Variants in RBFOX1 observed in about 807,000 individuals in gnomAD.
RBFOX1 encodes RNA binding protein fox-1 homolog 1.
RBFOX1 carries 8 observed loss-of-function variants against 57.7 expected under a neutral mutation model. That is an observed-to-expected ratio of 0.14 (90% confidence interval 0.08 to 0.25). The LOEUF (loss-of-function observed/expected upper bound fraction) is 0.25. Among genes scored for constraint, RBFOX1 ranks in the 10% least tolerant of loss-of-function variants. The pLI, the probability that RBFOX1 is intolerant of heterozygous loss-of-function variation, is 1.00. For missense variants in RBFOX1, 611 were observed against 548.5 expected, an observed-to-expected ratio of 1.11 and a Z score of -1.14; for synonymous variants, 326 against 222.4, an observed-to-expected ratio of 1.47 and a Z score of -4.15.
At chr16:7,286,787 C>T (rs1182508323) in intron 4 of RBFOX1, among the ~76,000 whole-genome samples, 1 of 151,854 alleles carries the variant, frequency 6.6e-6, no homozygotes, top group Non-Finnish European at 1.5e-5. Context: ...CCATGCCTGG[C>T]TAATTTTGTT....
chr16:6,019,614 G>T lies in RBFOX1; in HGVS notation c.-505G>T. 8.1e-7 allele frequency: 1 copy of T among 1,242,198 alleles called. No homozygotes were observed. The highest frequency in any genetic ancestry group is 1.0e-6 in the Non-Finnish European group (1 of 992,154). The allele number at this position is 1,242,198 out of a possible 1,614,324, so 76.9% of individuals were successfully genotyped here. A position where few individuals can be genotyped will look rare whatever the true frequency, so the allele number is the denominator to read the frequency against. Reference sequence around the variant, plus strand: ...GCTGAAGAAGGAAGGAGTGAGCCGAGCCGAGCACCCCACATCTGGAGGGGA... The same window carrying T: ...GCTGAAGAAGGAAGGAGTGAGCCGATCCGAGCACCCCACATCTGGAGGGGA... On this transcript the variant is annotated 5_prime_UTR_variant, in exon 1 of 16. Transcript: ENST00000550418. The surrounding 1 kb of genome is among the most constrained non-coding windows in gnomAD (Gnocchi z 4.2).
At chr16:6,233,041 A>T (rs896063884) in intron 1 of RBFOX1, among the ~76,000 whole-genome samples, 6 of 152,154 alleles carry the variant, frequency 3.9e-5, no homozygotes, top group African/African-American at 1.2e-4. Flanking sequence ...ATCACTATGT[A>T]GGCCCCGATA....
At chr16:6,709,232 C>T (rs1172227600) in intron 3 of RBFOX1, among the ~76,000 whole-genome samples, 1 of 152,198 alleles carries the variant, frequency 6.6e-6, no homozygotes, top group Admixed American at 6.5e-5. Context: ...CACTGAATTA[C>T]TGCTGCAGTT....
chr16:6,118,780 CCT>C (rs1226080925), intron 1 of RBFOX1, among the ~76,000 whole-genome samples: 4 of 147,692 alleles, frequency 2.7e-5, no homozygotes, highest in Non-Finnish European at 6.0e-5. Flanking sequence ...TCTCTTTCTC[CCT>C]CTCTTTCTCT....
intron 3 of RBFOX1, among the ~76,000 whole-genome samples, chr16:5,752,705 G>A (rs1597105487): frequency 6.6e-6 from 1 of 152,242 alleles, no homozygotes; most frequent in Admixed American, 6.5e-5. Context: ...AGGAGGTGAG[G>A]GCGTATAAGC....
intron 3 of RBFOX1, among the ~76,000 whole-genome samples, chr16:6,910,039 C>A (rs866158412): frequency 6.6e-6 from 1 of 152,024 alleles, no homozygotes; most frequent in African/African-American, 2.4e-5. Flanking sequence ...ATTACTCTTA[C>A]CTCTACAGGC....
intron 1 of RBFOX1, among the ~76,000 whole-genome samples, chr16:6,081,530 C>A (rs191178240): frequency 6.6e-5 from 10 of 152,260 alleles, no homozygotes; most frequent in Middle Eastern, 3.4e-3. Flanking sequence ...GTTTGTTGCT[C>A]TCTGCTGCCC....
Position 6,019,847 on chromosome 16 carries a change from A to G in RBFOX1, c.-272A>G. The G allele has an allele frequency of 6.6e-7, 1 of 1,525,526 alleles. No individual in the cohort carries two copies. Among genetic ancestry groups the G allele is most frequent in the Admixed American group, 2.0e-5 (1 of 50,428 alleles). 94.5% of individuals were successfully genotyped at this position (1,525,526 alleles called of 1,614,324 possible). ...CAGGGCGGGGCTGACCTGCCCGCGA[A>G]GTTGCGGACAGTGCGTGAGAAACCA... On this transcript the variant is annotated 5_prime_UTR_variant, in exon 1 of 16. Coordinates refer to ENST00000550418, the MANE Select transcript of RBFOX1 (RefSeq NM_018723.4). The surrounding 1 kb of genome is among the most constrained non-coding windows in gnomAD (Gnocchi z 4.2).
chr16:5,614,542 T>C (rs117173899), intron 3 of RBFOX1, among the ~76,000 whole-genome samples: 3,907 of 152,206 alleles, frequency 0.026, 72 homozygotes, highest in Non-Finnish European at 0.039. Context: ...TGTCACTCCC[T>C]GGGACTTTGA....
intron 1 of RBFOX1, among the ~76,000 whole-genome samples, chr16:6,197,076 G>C (rs1275696048): frequency 6.6e-6 from 1 of 152,102 alleles, no homozygotes; most frequent in Non-Finnish European, 1.5e-5. Context: ...TGTCCACCTA[G>C]CCAGTGATTT....
intron 4 of RBFOX1, among the ~76,000 whole-genome samples, chr16:7,310,129 C>T (rs866274291): frequency 6.6e-6 from 1 of 152,162 alleles, no homozygotes; most frequent in African/African-American, 2.4e-5. Context: ...GAGCCCTGGC[C>T]CTGGCCCTTT....
intron 4 of RBFOX1, among the ~76,000 whole-genome samples, chr16:7,218,968 T>C (rs962089899): frequency 6.6e-6 from 1 of 152,142 alleles, no homozygotes; most frequent in African/African-American, 2.4e-5. Context: ...CTGATATTGC[T>C]GGTTCCAAAA....
chr16:6,043,006 A>C (rs1281569846), intron 1 of RBFOX1, among the ~76,000 whole-genome samples: 2 of 151,842 alleles, frequency 1.3e-5, no homozygotes, highest in Non-Finnish European at 2.9e-5. Context: ...AGTCCCAGGT[A>C]CTTGGGAGGC....
At chr16:7,512,468 T>C (rs1477464768) in intron 4 of RBFOX1, among the ~76,000 whole-genome samples, 1 of 152,138 alleles carries the variant, frequency 6.6e-6, no homozygotes, top group East Asian at 1.9e-4. Context: ...AAAGTGCAAA[T>C]GTTGGGAATA....
intron 3 of RBFOX1, among the ~76,000 whole-genome samples, chr16:6,946,818 G>T (rs575923844): frequency 6.6e-6 from 1 of 152,128 alleles, no homozygotes; most frequent in Admixed American, 6.5e-5. Flanking sequence ...TATTGCCCAA[G>T]GCTGGTCTCC....
At chr16:5,800,401 G>T (rs2055018607) in intron 3 of RBFOX1, among the ~76,000 whole-genome samples, 1 of 152,168 alleles carries the variant, frequency 6.6e-6, no homozygotes, top group Non-Finnish European at 1.5e-5. Flanking sequence ...ACCAGGACTT[G>T]ATGGACATGG....
At chr16:7,437,259 C>A (rs543980488) in intron 4 of RBFOX1, among the ~76,000 whole-genome samples, 3 of 77,584 alleles carry the variant, frequency 3.9e-5, no homozygotes, top group Non-Finnish European at 1.2e-4. Context: ...TGCCCCCCCC[C>A]CCTTTCTGTT....
intron 3 of RBFOX1, among the ~76,000 whole-genome samples, chr16:5,668,032 C>A (rs969859209): frequency 1.5e-4 from 23 of 152,012 alleles, no homozygotes; most frequent in African/African-American, 5.3e-4. Context: ...AAAAAAAATT[C>A]CAACAACCAC....
intron 3 of RBFOX1, among the ~76,000 whole-genome samples, chr16:6,957,865 T>C (rs1373112933): frequency 1.3e-5 from 2 of 152,144 alleles, no homozygotes; most frequent in African/African-American, 2.4e-5. Flanking sequence ...AGCGTGACAG[T>C]TGCAGATTAG....
Sources: gnomAD v4.1 joint callset for allele counts (sites outside exome capture counted in the v4.1 genomes callset) on GRCh38, gnomAD v4.1.1 for gene constraint, Gnocchi (gnomAD v3.1) non-coding constraint, MANE v1.5 for transcripts, NCBI Gene and HGNC (gene_info 2026-07-23, HGNC 2026-07-21) for gene names.